Variants in GUCY2C observed in about 807,000 individuals in gnomAD.
GUCY2C encodes the protein guanylyl cyclase C.
GUCY2C carries 118 observed loss-of-function variants against 131.1 expected under a neutral mutation model. The observed-to-expected ratio is 0.90, with a 90% CI of 0.78 to 1.05. GUCY2C has a LOEUF of 1.05. Among genes scored for constraint, GUCY2C ranks in the 50% least tolerant of loss-of-function variants. The pLI, the probability that GUCY2C is intolerant of heterozygous loss-of-function variation, is 0.00. For synonymous variants in GUCY2C, 452 were observed against 457.8 expected (o/e 0.99, Z 0.16); for missense variants, 1,161 against 1,304.4 (o/e 0.89, Z 1.69).
chr12:14,637,130 A>G (rs1304882351), intron 19 of GUCY2C, among the ~76,000 whole-genome samples: 2 of 151,528 alleles, frequency 1.3e-5, no homozygotes, highest in African/African-American at 4.8e-5. Context: ...TAGTGTTTTT[A>G]TATACCACCA....
At chr12:14,672,611 C>T (rs1271136061) in intron 9 of GUCY2C, among the ~76,000 whole-genome samples, 1 of 151,978 alleles carries the variant, frequency 6.6e-6, no homozygotes, top group East Asian at 1.9e-4. Flanking sequence ...TTTAAAATAT[C>T]TATACCTATC....
At chr12:14,657,021 CT>C (rs1169593173) in intron 11 of GUCY2C, among the ~76,000 whole-genome samples, 4 of 152,226 alleles carry the variant, frequency 2.6e-5, no homozygotes, top group Non-Finnish European at 5.9e-5. Flanking sequence ...ATCTAATGCC[CT>C]GACTGATCCG....
rs139502655 is a variant in GUCY2C, at chr12:14,616,079, T to C, written c.2970+554A>G. ...CAAACACATTATCTTGTTAAAAATA[T>C]AGATTTCTGATCTACGCCCACAGAG... On this transcript the variant is annotated intron_variant, in intron 25 of 26. Coordinates refer to ENST00000261170, the MANE Select transcript of GUCY2C (RefSeq NM_004963.4). Among the ~76,000 whole-genome samples, 421 of 152,278 alleles carry C rather than the reference T, an allele frequency of 2.8e-3. 3 individuals are homozygous for C. Among genetic ancestry groups the C allele is most frequent in the African/African-American group, 9.8e-3 (407 of 41,558 alleles).
Position 14,613,340 on chromosome 12 carries a change from A to G in GUCY2C, c.3048-49T>C, listed in dbSNP as rs1238110067. Reference sequence around the variant, plus strand: ...AATAGAACTTCTCAGCAATTCATACAGAATATTCCTTAGCTCCAGAATAAT... The same window carrying G: ...AATAGAACTTCTCAGCAATTCATACGGAATATTCCTTAGCTCCAGAATAAT... On this transcript the variant is annotated intron_variant, in intron 26 of 26. Transcript: ENST00000261170. The surrounding 1 kb of genome is among the most constrained non-coding windows in gnomAD (Gnocchi z 4.9). 3 of 1,358,840 alleles carry G rather than the reference A, an allele frequency of 2.2e-6. No individual in the cohort carries two copies. The highest frequency in any genetic ancestry group is 2.1e-6 in the Non-Finnish European group (2 of 949,258). The allele number at this position is 1,358,840 out of a possible 1,614,324, so 84.2% of individuals were successfully genotyped here.
At chr12:14,626,817 C>T (rs2136992105) in intron 20 of GUCY2C, among the ~76,000 whole-genome samples, 1 of 152,102 alleles carries the variant, frequency 6.6e-6, no homozygotes, top group African/African-American at 2.4e-5. Context: ...CTGGTGGTCA[C>T]CTATTGGGAA....
chr12:14,668,854 A>G (rs1280136648), intron 10 of GUCY2C, among the ~76,000 whole-genome samples: 19 of 152,070 alleles, frequency 1.2e-4, no homozygotes, highest in Non-Finnish European at 4.4e-5. Context: ...AAAGCTGGCC[A>G]AGTCATGTTA....
intron 19 of GUCY2C, among the ~76,000 whole-genome samples, chr12:14,636,551 C>A (rs1947274095): frequency 6.6e-6 from 1 of 152,128 alleles, no homozygotes; most frequent in Non-Finnish European, 1.5e-5. Context: ...TGAGGAAAAG[C>A]TGAAAGCTTT....
At chr12:14,654,982 G>A (rs1281812630) in intron 12 of GUCY2C, among the ~76,000 whole-genome samples, 1 of 152,160 alleles carries the variant, frequency 6.6e-6, no homozygotes, top group East Asian at 1.9e-4. Flanking sequence ...CAAATGGCTG[G>A]GTTTCAGCCA....
intron 11 of GUCY2C, among the ~76,000 whole-genome samples, chr12:14,660,068 T>C (rs1354317533): frequency 1.3e-5 from 2 of 152,226 alleles, no homozygotes; most frequent in Non-Finnish European, 2.9e-5. Context: ...CAAGCGGTGT[T>C]GTCAGATTGA....
intron 3 of GUCY2C, among the ~76,000 whole-genome samples, chr12:14,684,532 C>CTCTT (rs60648473): frequency 0.99 from 142,692 of 143,992 alleles, 70,721 homozygotes; most frequent in East Asian, 1. Flanking sequence ...CTCTCCCTTC[C>CTCTT]TCTTTTTCTC....
intron 9 of GUCY2C, among the ~76,000 whole-genome samples, chr12:14,670,294 AG>A (rs1269155612): frequency 3.3e-5 from 5 of 152,224 alleles, no homozygotes; most frequent in African/African-American, 9.6e-5. Flanking sequence ...ATACATATCA[AG>A]GGGCCCTGAA....
At chr12:14,649,900 A>G (rs1234217332) in intron 15 of GUCY2C, among the ~76,000 whole-genome samples, 1 of 152,194 alleles carries the variant, frequency 6.6e-6, no homozygotes, top group Non-Finnish European at 1.5e-5. Context: ...GCCTAATTAA[A>G]TATTTATTTT....
At chr12:14,621,632 T>A (rs2136981916) in intron 22 of GUCY2C, among the ~76,000 whole-genome samples, 1 of 152,298 alleles carries the variant, frequency 6.6e-6, no homozygotes, top group African/African-American at 2.4e-5. Context: ...ATTGTATACA[T>A]TCTTGTAGTA....
chr12:14,676,970 CA>C lies in GUCY2C; in HGVS notation c.831del (p.Asn277LysfsTer15). 1.6e-6 allele frequency: 2 copies of C among 1,229,880 alleles called. No homozygotes were observed. The highest frequency in any genetic ancestry group is 1.5e-5 in the South Asian group (1 of 65,088). 76.2% of individuals were successfully genotyped at this position (1,229,880 alleles called of 1,614,324 possible). ...GTGACATTGTCCTCAAAGTACTGGTCACTGTAATAAAAAGCACAGGTTCCTC... is the reference window on the plus strand; with the variant it reads ...GTGACATTGTCCTCAAAGTACTGGTCCTGTAATAAAAAGCACAGGTTCCTC... ...DIVIILVDLF[N>X]DQYFEDNVTA... On this transcript the variant is annotated frameshift_variant and splice_region_variant, in exon 7 of 27. Transcript: ENST00000261170. LOFTEE classifies it high-confidence loss of function.
chr12:14,615,455 C>T (rs545100716), intron 25 of GUCY2C, among the ~76,000 whole-genome samples: 8 of 151,920 alleles, frequency 5.3e-5, no homozygotes, highest in South Asian at 4.2e-4. Flanking sequence ...CTGGAGGCTA[C>T]GGAATGTATG....
chr12:14,680,986 C>T (rs1384646483), intron 5 of GUCY2C, among the ~76,000 whole-genome samples: 1 of 151,824 alleles, frequency 6.6e-6, no homozygotes, highest in Non-Finnish European at 1.5e-5. Context: ...GACTGGGGCT[C>T]AGAATGTGTG....
At chr12:14,685,495 A>C (rs1948451373) in intron 3 of GUCY2C, among the ~76,000 whole-genome samples, 1 of 152,218 alleles carries the variant, frequency 6.6e-6, no homozygotes, top group Non-Finnish European at 1.5e-5. Context: ...ACAGGTACAA[A>C]AAAGGAACTT....
chr12:14,674,360 G>A, intron 8 of GUCY2C: 1 of 482,234 alleles, frequency 2.1e-6, no homozygotes, highest in Non-Finnish European at 3.8e-6. Context: ...AATGCCTTAT[G>A]ATGAGCTTGT....
At chr12:14,656,736 T>C (rs190002802) in intron 11 of GUCY2C, 119 bp from the exon 12 acceptor site, 245 of 539,900 alleles carry the variant, frequency 4.5e-4, no homozygotes, top group African/African-American at 3.9e-3. Flanking sequence ...TGAGGGAAGG[T>C]AGCCCAATGA....
Sources: gnomAD v4.1 joint callset for allele counts (sites outside exome capture counted in the v4.1 genomes callset) on GRCh38, gnomAD v4.1.1 for gene constraint, Gnocchi (gnomAD v3.1) non-coding constraint, MANE v1.5 for transcripts, NCBI Gene and HGNC (gene_info 2026-07-23, HGNC 2026-07-21) for gene names.